ABCC12: variants seen among roughly 807,000 people sequenced by gnomAD.
ABCC12 encodes the protein ATP-binding cassette sub-family C member 12.
A neutral mutation model predicts 151.1 loss-of-function variants in ABCC12; 142 were observed. That is an observed-to-expected ratio of 0.94 (90% confidence interval 0.82 to 1.08). The LOEUF (loss-of-function observed/expected upper bound fraction) is 1.08, where lower values mean the gene tolerates loss of function less well. ABCC12 is among the 50% of genes least tolerant of loss of function. The probability of loss-of-function intolerance (pLI) is 0.00; values close to 1 mark genes in which losing one functional copy is unlikely to be tolerated. For synonymous variants in ABCC12, 645 were observed against 646.4 expected (o/e 1.00, Z 0.03); for missense variants, 1,638 against 1,691.1 (o/e 0.97, Z 0.55).
At position 48,146,444 on chromosome 16, in the gene ABCC12, C is replaced by A; in HGVS notation, c.-20G>T. On this transcript the variant is annotated 5_prime_UTR_variant, in exon 3 of 31. Coordinates refer to ENST00000311303, the MANE Select transcript of ABCC12 (RefSeq NM_001393797.1). ...CACCATCCTGATGGCAGCCTGGAGC[C>A]CTGGGCTTTTGGCCTGGGGACACTT... 1 of 1,607,290 alleles carries A rather than the reference C, an allele frequency of 6.2e-7. No homozygotes were observed. Among genetic ancestry groups the A allele is most frequent in the Non-Finnish European group, 8.5e-7 (1 of 1,173,980 alleles).
chr16:48,086,820 C>A lies in ABCC12; in HGVS notation c.3636-1G>T. The stretch of plus-strand genomic sequence containing the variant: ...ACTCTCAAAGGGATCCAAGTTGTAC[C>A]TGCAATGAAGGAGAGGAGAGGACAG... On this transcript the variant is annotated splice_acceptor_variant, in intron 27 of 30. Transcript: ENST00000311303. LOFTEE classifies it high-confidence loss of function. 1 of 1,612,696 alleles carries A rather than the reference C, an allele frequency of 6.2e-7. No homozygotes were observed.
At position 48,085,459 on chromosome 16, in the gene ABCC12, A is replaced by G. The variant is rs186531510; in HGVS notation, c.3828+134T>C. On this transcript the variant is annotated intron_variant, in intron 29 of 30. Coordinates refer to ENST00000311303, the MANE Select transcript of ABCC12 (RefSeq NM_001393797.1). ...ATCCCTCACAACTTTGTCTTAAGAA[A>G]AAGTGATCGGTTTTTAAATGGCTCA... is the stretch of plus-strand genomic sequence containing the variant. 1,097 of 754,732 alleles carry G rather than the reference A, an allele frequency of 1.5e-3. 2 individuals are homozygous for G. The highest frequency in any genetic ancestry group is 2.0e-3 in the Non-Finnish European group (932 of 459,172). 46.8% of individuals were successfully genotyped at this position (754,732 alleles called of 1,614,324 possible).
rs1255181669 is a variant in ABCC12, at chr16:48,083,289, T to C, written c.*426A>G. On this transcript the variant is annotated 3_prime_UTR_variant, in exon 31 of 31. Coordinates refer to ENST00000311303, the MANE Select transcript of ABCC12 (RefSeq NM_001393797.1). ...TGAGTGGGGTTAAACGAGAAGAAAA[T>C]TCTGCTCTTTTTCCTTCTGATAATG... The C allele has an allele frequency of 5.8e-6, 1 of 171,622 alleles. No individual in the cohort carries two copies. Among genetic ancestry groups the C allele is most frequent in the African/African-American group, 2.4e-5 (1 of 41,740 alleles). 10.6% of individuals were successfully genotyped at this position (171,622 alleles called of 1,614,324 possible).
At chr16:48,099,472 G>A (rs954117910) in intron 23 of ABCC12, among the ~76,000 whole-genome samples, 9 of 152,164 alleles carry the variant, frequency 5.9e-5, no homozygotes, top group African/African-American at 1.9e-4. Context: ...CTTTAGAACT[G>A]CATCTAATTC....
chr16:48,147,567 C>G (rs926273450), intron 2 of ABCC12, among the ~76,000 whole-genome samples: 2 of 152,080 alleles, frequency 1.3e-5, no homozygotes, highest in African/African-American at 4.8e-5. Context: ...TCCTCAGATG[C>G]AATCTTTTAC....
At chr16:48,095,451 C>A (rs1319202240) in intron 24 of ABCC12, among the ~76,000 whole-genome samples, 1 of 152,046 alleles carries the variant, frequency 6.6e-6, no homozygotes, top group Non-Finnish European at 1.5e-5. Context: ...ATATTAATAT[C>A]CTCAGAGAGA....
rs374895198 is a variant in ABCC12, at chr16:48,140,917, C to G, written c.427G>C (p.Val143Leu). 6.2e-7 allele frequency: 1 copy of G among 1,613,434 alleles called. No individual in the cohort carries two copies. Among genetic ancestry groups the G allele is most frequent in the Non-Finnish European group, 8.5e-7 (1 of 1,179,718 alleles). Residue 143 changes from valine to leucine, a missense_variant, in exon 6 of 31, where the codon GTT becomes CTT. Transcript: ENST00000311303. ...TGCTGGAGGATTTGGTGAATGAGAA[C>G]TGTCTGTAAAACAGCATGGTGGGGA... The part of the protein sequence containing the change: ...CIIMAAIGPT[V>L]LIHQILQQTE...
Position 48,139,168 on chromosome 16 carries a change from C to T in ABCC12, c.826G>A (p.Val276Ile), listed in dbSNP as rs1001308957. ...GISVYVIFIP[V>I]QMFMAKLNSA... ...GCGCAAAAGCCTGCCGTTACCTGGACGGGTATGAATATGACATACACTGAT... is the reference window on the plus strand; with the variant it reads ...GCGCAAAAGCCTGCCGTTACCTGGATGGGTATGAATATGACATACACTGAT... The change falls in exon 7 of 31, where the codon GTC becomes ATC. Residue 276 changes from valine (V) to isoleucine (I), a missense_variant. Physicochemically the swap from Val to Ile is conservative, Grantham distance 29. Transcript: ENST00000311303. 6.3e-7 allele frequency: 1 copy of T among 1,587,062 alleles called. No homozygotes were observed. The highest frequency in any genetic ancestry group is 8.5e-7 in the Non-Finnish European group (1 of 1,169,890).
chr16:48,096,800 ACT>A lies in ABCC12; in HGVS notation c.3139_3140del (p.Ser1047PhefsTer53). The A allele has an allele frequency of 6.2e-7, 1 of 1,614,062 alleles. No homozygotes were observed. The highest frequency in any genetic ancestry group is 8.5e-7 in the Non-Finnish European group (1 of 1,179,964). On this transcript the variant is annotated frameshift_variant, in exon 24 of 31. Transcript: ENST00000311303. LOFTEE classifies it high-confidence loss of function. ...TGGATGAAGTACTGATGGAGGAGAAACTCAGGGTCACCAACAAGGCCACAGTG... is the reference window on the plus strand; with the variant it reads ...TGGATGAAGTACTGATGGAGGAGAAACAGGGTCACCAACAAGGCCACAGTG... ...TFTVALLVTL[S>X]FSSISTSSKG... is the part of the protein sequence containing the mutation.
At chr16:48,102,070 T>A (rs1963326952) in intron 22 of ABCC12, among the ~76,000 whole-genome samples, 1 of 152,162 alleles carries the variant, frequency 6.6e-6, no homozygotes, top group South Asian at 2.1e-4. Flanking sequence ...AAACCCCAAC[T>A]TTCCCCGCCT....
At chr16:48,149,641 C>A (rs904454365) in intron 2 of ABCC12, among the ~76,000 whole-genome samples, 2 of 138,814 alleles carry the variant, frequency 1.4e-5, no homozygotes, top group Non-Finnish European at 3.1e-5. Flanking sequence ...TTCTAGTACA[C>A]TGAAATTACA....
chr16:48,133,827 T>G lies in ABCC12; in HGVS notation c.988A>C (p.Arg330=), dbSNP rs1964516982. Residue 330 remains arginine (R), a synonymous_variant, in exon 9 of 31, where the codon AGG becomes CGG. Transcript: ENST00000311303. ...TTTTCCAGTAATTTTCTTTCCCTCC[T>G]TCTTATATCTGCAAAATAGAACACA... ...SFTNTIQDIR[R]RERKLLEKAG... is the part of the protein sequence containing the mutation. 1 of 1,614,200 alleles carries G rather than the reference T, an allele frequency of 6.2e-7. No homozygotes were observed. Among genetic ancestry groups the G allele is most frequent in the Non-Finnish European group, 8.5e-7 (1 of 1,180,026 alleles).
In ABCC12 at chr16:48,139,248, A is replaced by G. The variant is rs748792178; in HGVS notation, c.746T>C (p.Val249Ala). The G allele has an allele frequency of 1.8e-5, 29 of 1,614,026 alleles. No individual in the cohort carries two copies. The highest frequency in any genetic ancestry group is 1.6e-4 in the Middle Eastern group (1 of 6,084). ...PLPATIPILMVFCAAYAFFIL... is the reference protein window; with the variant it reads ...PLPATIPILMAFCAAYAFFIL... ...GAAAAAGGCGTACGCCGCACAAAAG[A>G]CCATTAGGATCGGGATGGTGGCTGG... The change falls in exon 7 of 31, where the codon GTC becomes GCC. Residue 249 changes from valine (V) to alanine (A), a missense_variant. Coordinates refer to ENST00000311303, the MANE Select transcript of ABCC12 (RefSeq NM_001393797.1).
chr16:48,153,937 C>G (rs897919567), intron 1 of ABCC12, 53 bp from the exon 2 acceptor site: 3 of 152,174 alleles, frequency 2.0e-5, no homozygotes, highest in African/African-American at 7.2e-5. Context: ...CTTTGGCTAA[C>G]GTCTCTATCC....
chr16:48,102,639 C>G (rs753693491), intron 22 of ABCC12, among the ~76,000 whole-genome samples: 16 of 152,242 alleles, frequency 1.1e-4, no homozygotes, highest in Middle Eastern at 3.4e-3. Context: ...AGAGCCACAC[C>G]TGCCCCTGCA....
chr16:48,113,691 T>C (rs1963779254), intron 15 of ABCC12, among the ~76,000 whole-genome samples: 2 of 152,316 alleles, frequency 1.3e-5, no homozygotes, highest in South Asian at 4.1e-4. Context: ...GGTGGCTACC[T>C]GCCTCTTCCA....
chr16:48,094,913 C>T (rs1963038372), intron 24 of ABCC12, among the ~76,000 whole-genome samples: 1 of 152,084 alleles, frequency 6.6e-6, no homozygotes, highest in Non-Finnish European at 1.5e-5. Context: ...CCCAGTTCCC[C>T]GGAGTTAAAT....
intron 10 of ABCC12, among the ~76,000 whole-genome samples, chr16:48,129,297 C>G (rs1274549840): frequency 6.6e-6 from 1 of 152,190 alleles, no homozygotes; most frequent in Non-Finnish European, 1.5e-5. Context: ...GAGGACAAAG[C>G]ACTGTGACTG....
At position 48,115,573 on chromosome 16, in the gene ABCC12, T is replaced by A. The variant is rs756549295; in HGVS notation, c.1831A>T (p.Ile611Phe). 23 of 1,613,978 alleles carry A rather than the reference T, an allele frequency of 1.4e-5. 1 individual carries two copies. Among genetic ancestry groups the A allele is most frequent in the Middle Eastern group, 3.3e-4 (2 of 6,082 alleles). ...LNLSGGQRQRISLARAVYSDR... is the reference protein window; with the variant it reads ...LNLSGGQRQRFSLARAVYSDR... The stretch of plus-strand genomic sequence containing the variant: ...GAGTAGACAGCGCGGGCCAGGCTAA[T>A]CCTCTGCCTCTGCCCCCCAGAGAGG... Residue 611 changes from isoleucine (I) to phenylalanine (F), a missense_variant, in exon 15 of 31, where the codon ATT becomes TTT. Transcript: ENST00000311303.
Sources: allele counts gnomAD v4.1 joint callset (sites outside exome capture counted in the v4.1 genomes callset), GRCh38; gene constraint gnomAD v4.1.1; transcripts MANE v1.5; gene names NCBI Gene and HGNC (gene_info 2026-07-23, HGNC 2026-07-21).